Variants in NAV2 observed in about 807,000 individuals in gnomAD.
NAV2 encodes neuron navigator 2.
NAV2 carries 54 observed loss-of-function variants against 223.2 expected under a neutral mutation model. The observed-to-expected ratio is 0.24, with a 90% confidence interval of 0.19 to 0.30. The LOEUF is 0.30. Among genes scored for constraint, NAV2 ranks in the 10% least tolerant of loss-of-function variants. The probability of loss-of-function intolerance (pLI) is 1.00; values close to 1 mark genes in which losing one functional copy is unlikely to be tolerated. For synonymous variants in NAV2, 1,279 were observed against 1,239.3 expected (o/e 1.03, Z -0.67); for missense variants, 2,806 against 3,147.5 (o/e 0.89, Z 2.60).
At chr11:19,650,339 A>G (rs1751915703) in intron 1 of NAV2, among the ~76,000 whole-genome samples, 2 of 152,202 alleles carry the variant, frequency 1.3e-5, no homozygotes, top group South Asian at 4.1e-4. Context: ...CCACAAGCCA[A>G]GGGCTGGAAC....
chr11:19,820,189 G>A (rs971732000), intron 1 of NAV2, among the ~76,000 whole-genome samples: 1 of 152,246 alleles, frequency 6.6e-6, no homozygotes, highest in Non-Finnish European at 1.5e-5. Flanking sequence ...CCACTTAGGT[G>A]TGGCTGCCCT....
At chr11:19,953,853 G>A (rs1389612735) in intron 10 of NAV2, among the ~76,000 whole-genome samples, 89 of 142,640 alleles carry the variant, frequency 6.2e-4, no homozygotes, top group Admixed American at 9.2e-4. Context: ...ATGTGCACGC[G>A]CGCGCGTGTG....
chr11:19,918,902 TC>T (rs1196603591), intron 6 of NAV2, among the ~76,000 whole-genome samples: 2 of 152,212 alleles, frequency 1.3e-5, no homozygotes, highest in Non-Finnish European at 2.9e-5. Flanking sequence ...TCTTGCTTTG[TC>T]CTTCCTTCTG....
At chr11:19,484,853 C>T (rs988022966) in intron 1 of NAV2, among the ~76,000 whole-genome samples, 1 of 152,210 alleles carries the variant, frequency 6.6e-6, no homozygotes, top group Non-Finnish European at 1.5e-5. Flanking sequence ...CTGGCTTTAA[C>T]CTGCCTGCTT....
At chr11:19,454,911 C>A (rs971706854) in intron 1 of NAV2, among the ~76,000 whole-genome samples, 3 of 152,134 alleles carry the variant, frequency 2.0e-5, no homozygotes, top group Non-Finnish European at 4.4e-5. Context: ...GGTCCTGTGG[C>A]TAAAACAGTG....
chr11:19,967,491 A>G (rs1013073331), intron 10 of NAV2, among the ~76,000 whole-genome samples: 4 of 152,220 alleles, frequency 2.6e-5, no homozygotes, highest in East Asian at 1.9e-4. Flanking sequence ...TTGGCTTGGC[A>G]TGGAAAGTAC....
At chr11:19,698,826 G>A (rs2049422762) in intron 1 of NAV2, among the ~76,000 whole-genome samples, 1 of 152,214 alleles carries the variant, frequency 6.6e-6, no homozygotes, top group Non-Finnish European at 1.5e-5. Flanking sequence ...GTGAGAGAGA[G>A]AGAGTGTGTG....
At chr11:19,561,727 C>T (rs1383363352) in intron 1 of NAV2, among the ~76,000 whole-genome samples, 5 of 152,200 alleles carry the variant, frequency 3.3e-5, no homozygotes. Flanking sequence ...TACCACTTGG[C>T]ATTGAATTCC....
chr11:20,106,210 T>C lies in NAV2; in HGVS notation c.6841+483T>C, dbSNP rs60711308. On this transcript the variant is annotated intron_variant, in intron 35 of 37. Transcript: ENST00000349880. ...ATATATATATATATATATATATATA[T>C]ATATATATATATATATATATGCTTT... Among the ~76,000 whole-genome samples, 75 of 97,060 alleles carry C rather than the reference T, an allele frequency of 7.7e-4. 3 individuals carry two copies. In the East Asian group the frequency reaches 0.02, roughly 27 times the overall value. The allele number at this position is 97,060 out of a possible 152,430, so 63.7% of individuals were successfully genotyped here.
intron 1 of NAV2, among the ~76,000 whole-genome samples, chr11:19,565,579 AC>A (rs959693909): frequency 6.6e-6 from 1 of 151,732 alleles, no homozygotes; most frequent in African/African-American, 2.4e-5. Flanking sequence ...TCCCTTAACC[AC>A]CCCTTTCATA....
At chr11:19,359,033 G>A (rs1020352215) in intron 1 of NAV2, among the ~76,000 whole-genome samples, 1 of 152,190 alleles carries the variant, frequency 6.6e-6, no homozygotes, top group Non-Finnish European at 1.5e-5. Context: ...TCGGCATACA[G>A]TAGATGATCA....
rs11267537 is a variant in NAV2 at position 20,106,175 on chromosome 11, A to ATATATATATATATGTGTGTGTGTGTG, written c.6841+449_6841+450insATATATATATATGTGTGTGTGTGTGT. 1.1e-4 allele frequency among the ~76,000 whole-genome samples: 4 copies of ATATATATATATATGTGTGTGTGTGTG among 35,828 alleles called. 1 individual carries two copies. Among genetic ancestry groups the ATATATATATATATGTGTGTGTGTGTG allele is most frequent in the Admixed American group, 1.1e-3 (3 of 2,710 alleles). 23.5% of individuals were successfully genotyped at this position (35,828 alleles called of 152,430 possible). On this transcript the variant is annotated intron_variant, in intron 35 of 37. Coordinates refer to ENST00000349880, the MANE Select transcript of NAV2 (RefSeq NM_145117.5). ...TGTGTGTATATATATATATATATATATGTGTGTGTATATATATATATATAT... is the reference window on the plus strand; with the variant it reads ...TGTGTGTATATATATATATATATATATATATATATATATGTGTGTGTGTGTGTGTGTGTGTATATATATATATATAT...
rs1315693260 is a variant in NAV2, at chr11:20,092,184, G to A, written c.5653-22G>A. On this transcript the variant is annotated intron_variant, in intron 27 of 37. Transcript: ENST00000349880. ...CACATTACTTCTGCCTACTAAGGGA[G>A]CTTCTCCATTACTCTTTGCAGAGTG... 3.1e-6 allele frequency: 5 copies of A among 1,605,142 alleles called. No homozygotes were observed. The African/African-American group carries it at 6.7e-5, about 21-fold the overall frequency.
chr11:19,560,269 A>T (rs970205568), intron 1 of NAV2, among the ~76,000 whole-genome samples: 7 of 152,104 alleles, frequency 4.6e-5, no homozygotes, highest in Non-Finnish European at 1.5e-5. Context: ...CTTTAGACAA[A>T]CCCTGAGATT....
At chr11:19,868,205 A>C (rs2062217516) in intron 3 of NAV2, among the ~76,000 whole-genome samples, 1 of 152,192 alleles carries the variant, frequency 6.6e-6, no homozygotes, top group African/African-American at 2.4e-5. Context: ...GTACCCGTTG[A>C]CATTAATCAA....
chr11:19,499,894 A>C (rs751548989), intron 1 of NAV2, among the ~76,000 whole-genome samples: 19 of 152,110 alleles, frequency 1.2e-4, no homozygotes, highest in Admixed American at 6.5e-4. Context: ...GTAGGCCCTT[A>C]ATAAATTTTA....
rs541871189 is a variant in NAV2 at position 20,120,497 on chromosome 11, G to A, written c.*2239G>A. ...TCCCAGCAATGACCCTACTACACTC[G>A]CGTACTGTGAATTTGGGAGGAGGTA... On this transcript the variant is annotated 3_prime_UTR_variant, in exon 38 of 38. Transcript: ENST00000349880. 1.1e-4 allele frequency: 17 copies of A among 152,700 alleles called. No individual in the cohort carries two copies. Among genetic ancestry groups the A allele is most frequent in the South Asian group, 4.1e-4 (2 of 4,822 alleles). The allele number at this position is 152,700 out of a possible 1,614,324, so 9.5% of individuals were successfully genotyped here.
intron 34 of NAV2, chr11:20,105,259 G>C (rs953830271): frequency 5.8e-6 from 2 of 343,568 alleles, no homozygotes; most frequent in Non-Finnish European, 1.1e-5. Flanking sequence ...TTAACTAGCT[G>C]TTTGATCCTG....
chr11:19,708,577 TG>T (rs1310745554), upstream of NAV2, among the ~76,000 whole-genome samples: 1 of 152,148 alleles, frequency 6.6e-6, no homozygotes, highest in Non-Finnish European at 1.5e-5. Flanking sequence ...GATGGGTTGA[TG>T]GAACTGGTCA....
Sources: gnomAD v4.1 joint callset for allele counts (sites outside exome capture counted in the v4.1 genomes callset) on GRCh38, gnomAD v4.1.1 for gene constraint, MANE v1.5 for transcripts, NCBI Gene and HGNC (gene_info 2026-07-23, HGNC 2026-07-21) for gene names.